Variants in LPL observed in about 807,000 individuals in gnomAD.
The protein encoded by LPL is phospholipase A1.
LPL carries 43 observed loss-of-function variants against 52.2 expected under a neutral mutation model. The observed-to-expected ratio is 0.82, with a 90% CI of 0.64 to 1.06. LPL has a LOEUF of 1.06. Ranked by LOEUF, LPL falls within the 50% of genes least tolerant of loss-of-function variation. The pLI, the probability that LPL is intolerant of heterozygous loss-of-function variation, is 0.00. For synonymous variants in LPL, 244 were observed against 215.6 expected, an observed-to-expected ratio of 1.13 and a Z score of -1.15; for missense variants, 639 against 585.3, an observed-to-expected ratio of 1.09 and a Z score of -0.95.
Position 19,962,206 on chromosome 8 carries a change from A to C in LPL, c.1414A>C (p.Lys472Gln), listed in dbSNP as rs1364598167. Residue 472 changes from lysine (K) to glutamine (Q), a missense_variant, in exon 9 of 10, where the codon AAG becomes CAG. Transcript: ENST00000650287. ...GAAATGCCATGACAAGTCTCTGAATAAGAAGTCAGGCTGGTGAGCATTCTG... is the reference window on the plus strand; with the variant it reads ...GAAATGCCATGACAAGTCTCTGAATCAGAAGTCAGGCTGGTGAGCATTCTG... Reference protein sequence around the residue: ...FVKCHDKSLNKKSG With the variant: ...FVKCHDKSLNQKSG 5 of 1,613,524 alleles carry C rather than the reference A, an allele frequency of 3.1e-6. No individual in the cohort carries two copies. In the African/African-American group the frequency reaches 6.7e-5, roughly 22 times the overall value.
Position 19,965,321 on chromosome 8 carries a change from A to G in LPL, c.*11A>G, listed in dbSNP as rs1386921476. ...GTGCTTTTTCTCAGAAACTGGGCGAATCTACAGAACAAAGAACGGCATGTG... is the reference window on the plus strand; with the variant it reads ...GTGCTTTTTCTCAGAAACTGGGCGAGTCTACAGAACAAAGAACGGCATGTG... On this transcript the variant is annotated 3_prime_UTR_variant, in exon 10 of 10. Coordinates refer to ENST00000650287, the MANE Select transcript of LPL (RefSeq NM_000237.3). The G allele has an allele frequency of 1.3e-6, 1 of 780,584 alleles. No homozygotes were observed. Among genetic ancestry groups the G allele is most frequent in the African/African-American group, 1.7e-5 (1 of 59,128 alleles). The allele number at this position is 780,584 out of a possible 1,614,324, so 48.4% of individuals were successfully genotyped here.
intron 1 of LPL, among the ~76,000 whole-genome samples, chr8:19,940,998 G>C (rs1185299874): frequency 1.3e-5 from 2 of 152,150 alleles, no homozygotes. Context: ...AGCAGGCTGA[G>C]AGATCACTTG....
intron 2 of LPL, among the ~76,000 whole-genome samples, chr8:19,951,438 C>G (rs1248260973): frequency 2.0e-5 from 3 of 152,146 alleles, no homozygotes; most frequent in Non-Finnish European, 4.4e-5. Flanking sequence ...TCCTCAAAGA[C>G]CCACTTTGCA....
chr8:19,959,440 G>A (rs2070017920), intron 7 of LPL, 60 bp downstream of exon 7: 9 of 1,603,822 alleles, frequency 5.6e-6, no homozygotes, highest in African/African-American at 1.3e-5. Flanking sequence ...ATAACCCTTG[G>A]TCTGAGCAGC....
chr8:19,961,128 A>T, intron 8 of LPL, 45 bp downstream of exon 8: 1 of 1,574,106 alleles, frequency 6.4e-7, no homozygotes, highest in Non-Finnish European at 8.7e-7. Flanking sequence ...CCCCCACCTG[A>T]TGTCAGGACC....
At chr8:19,949,929 T>C (rs1367037004) in intron 2 of LPL, among the ~76,000 whole-genome samples, 2 of 151,214 alleles carry the variant, frequency 1.3e-5, no homozygotes, top group Non-Finnish European at 2.9e-5. Context: ...CTGAGAGAAT[T>C]TTATACTTTG....
rs1175832133 is a variant in LPL at position 19,939,512 on chromosome 8, G to C, written c.72G>C (p.Gly24=). The change falls in exon 1 of 10, where the codon GGG becomes GGC. Residue 24 remains glycine (G), a synonymous_variant. Coordinates refer to ENST00000650287, the MANE Select transcript of LPL (RefSeq NM_000237.3). This position sits in a 1 kb window ranked among gnomAD's most constrained non-coding sequence, Gnocchi z 4.0. The part of the protein sequence containing the change: ...WLQSLTASRG[G]VAAADQRRDF... Reference sequence around the variant, plus strand: ...AGAGTCTGACCGCCTCCCGCGGAGGGGTGGCCGCCGCCGACCGTAAGTTTT... The same window carrying C: ...AGAGTCTGACCGCCTCCCGCGGAGGCGTGGCCGCCGCCGACCGTAAGTTTT... The C allele has an allele frequency of 1.9e-6, 3 of 1,608,886 alleles. No individual in the cohort carries two copies. Among genetic ancestry groups the C allele is most frequent in the Non-Finnish European group, 2.5e-6 (3 of 1,178,370 alleles).
intron 1 of LPL, among the ~76,000 whole-genome samples, chr8:19,947,073 G>A (rs73601656): frequency 0.027 from 4,151 of 152,222 alleles, 185 homozygotes; most frequent in African/African-American, 0.094. Flanking sequence ...TACATAGCAC[G>A]GGTATTTCTG....
chr8:19,945,238 T>A (rs1449243611), intron 1 of LPL, among the ~76,000 whole-genome samples: 3 of 152,102 alleles, frequency 2.0e-5, no homozygotes, highest in Non-Finnish European at 4.4e-5. Flanking sequence ...CACAGCCACA[T>A]GGTCTAAGTC....
At chr8:19,960,854 G>T (rs1416028078) in intron 7 of LPL, 47 bp from the exon 8 acceptor site, 1 of 1,408,636 alleles carries the variant, frequency 7.1e-7, no homozygotes, top group South Asian at 1.2e-5. Context: ...GGGGGGCAGG[G>T]AGAGCTGATC....
intron 6 of LPL, among the ~76,000 whole-genome samples, chr8:19,958,575 A>T (rs868180199): frequency 2.6e-5 from 4 of 151,672 alleles, no homozygotes; most frequent in African/African-American, 4.9e-5. Context: ...TTTAAAAAAA[A>T]TTTTATTTAT....
At position 19,967,218 on chromosome 8, in the gene LPL, G is replaced by A. The variant is rs1256265928; in HGVS notation, c.*1908G>A. 1.3e-5 allele frequency: 2 copies of A among 152,470 alleles called. No individual in the cohort carries two copies. The highest frequency in any genetic ancestry group is 4.8e-5 in the African/African-American group (2 of 41,366). 9.4% of individuals were successfully genotyped at this position (152,470 alleles called of 1,614,324 possible). A position where few individuals can be genotyped will look rare whatever the true frequency, so the allele number is the denominator to read the frequency against. On this transcript the variant is annotated 3_prime_UTR_variant, in exon 10 of 10. Coordinates refer to ENST00000650287, the MANE Select transcript of LPL (RefSeq NM_000237.3). Reference sequence around the variant, plus strand: ...AACGTACTTAACTGTGTGAAGAAATGGAATCAGCTTTTAATAAAATTGACA... The same window carrying A: ...AACGTACTTAACTGTGTGAAGAAATAGAATCAGCTTTTAATAAAATTGACA...
At chr8:19,965,165 C>G in intron 9 of LPL, 145 bp from the exon 10 acceptor site, 1 of 660,716 alleles carries the variant, frequency 1.5e-6, no homozygotes, top group Non-Finnish European at 2.8e-6. Flanking sequence ...CCATTATACA[C>G]ATCTCCCCTG....
chr8:19,953,622 G>A (rs2069954527), intron 4 of LPL, among the ~76,000 whole-genome samples: 3 of 152,162 alleles, frequency 2.0e-5, no homozygotes, highest in Non-Finnish European at 4.4e-5. Flanking sequence ...ACTATCCACT[G>A]GCAATAGCAC....
Position 19,966,781 on chromosome 8 carries a change from G to A in LPL, c.*1471G>A, listed in dbSNP as rs991431728. ...AGAGAGATGATCGTGCCTATAAATA[G>A]TAGGACCAATGTTGTGATTAACATC... On this transcript the variant is annotated 3_prime_UTR_variant, in exon 10 of 10. Coordinates refer to ENST00000650287, the MANE Select transcript of LPL (RefSeq NM_000237.3). The A allele has an allele frequency of 6.6e-6, 1 of 152,182 alleles. No homozygotes were observed. The highest frequency in any genetic ancestry group is 1.5e-5 in the Non-Finnish European group (1 of 68,038). 9.4% of individuals were successfully genotyped at this position (152,182 alleles called of 1,614,324 possible).
At chr8:19,940,015 T>C (rs1260861754) in intron 1 of LPL, among the ~76,000 whole-genome samples, 1 of 152,128 alleles carries the variant, frequency 6.6e-6, no homozygotes, top group Non-Finnish European at 1.5e-5. Flanking sequence ...CTGTGGCCCC[T>C]TCTGGGGAAG....
chr8:19,962,101 AT>A lies in LPL; in HGVS notation c.1323-10del. The A allele has an allele frequency of 6.3e-7, 1 of 1,578,892 alleles. No individual in the cohort carries two copies. ...TGTTCTACATGGCATATTCACATCC[AT>A]TTTCTTCCACAGGGTGATCTTCTGT... On this transcript the variant is annotated splice_polypyrimidine_tract_variant and intron_variant, in intron 8 of 9. Coordinates refer to ENST00000650287, the MANE Select transcript of LPL (RefSeq NM_000237.3).
rs1271595578 is a variant in LPL, at chr8:19,962,227, T to A, written c.1427+8T>A. 2 of 1,610,820 alleles carry A rather than the reference T, an allele frequency of 1.2e-6. No homozygotes were observed. Among genetic ancestry groups the A allele is most frequent in the Non-Finnish European group, 1.7e-6 (2 of 1,177,298 alleles). ...GAATAAGAAGTCAGGCTGGTGAGCA[T>A]TCTGGGCTAAAGCTGACTGGGCATC... On this transcript the variant is annotated splice_region_variant and intron_variant, in intron 9 of 9. Coordinates refer to ENST00000650287, the MANE Select transcript of LPL (RefSeq NM_000237.3).
Position 19,939,485 on chromosome 8 carries a change from C to G in LPL, c.45C>G (p.Leu15=), listed in dbSNP as rs748132101. ...TCGTGCTGACTCTGGCCGTGTGGCT[C>G]CAGAGTCTGACCGCCTCCCGCGGAG... ...ALLVLTLAVW[L]QSLTASRGGV... is the part of the protein sequence containing the mutation. The change falls in exon 1 of 10, where the codon CTC becomes CTG. Residue 15 remains leucine, a synonymous_variant. Coordinates refer to ENST00000650287, the MANE Select transcript of LPL (RefSeq NM_000237.3). This position sits in a 1 kb window ranked among gnomAD's most constrained non-coding sequence, Gnocchi z 4.0. The G allele has an allele frequency of 1.2e-6, 2 of 1,611,046 alleles. No individual in the cohort carries two copies. Among genetic ancestry groups the G allele is most frequent in the South Asian group, 1.1e-5 (1 of 90,786 alleles).
Sources: gnomAD v4.1 joint callset for allele counts (sites outside exome capture counted in the v4.1 genomes callset) on GRCh38, gnomAD v4.1.1 for gene constraint, Gnocchi (gnomAD v3.1) non-coding constraint, MANE v1.5 for transcripts, NCBI Gene and HGNC (gene_info 2026-07-23, HGNC 2026-07-21) for gene names.